Variants in NCF2 observed in about 807,000 individuals in gnomAD.
The protein encoded by NCF2 is neutrophil cytosol factor 2.
In NCF2, 45 loss-of-function variants were observed where a neutral mutation model predicts 70.9. That is an observed-to-expected ratio of 0.63 (90% CI 0.50 to 0.81). The LOEUF (loss-of-function observed/expected upper bound fraction) is 0.81, where lower values mean the gene tolerates loss of function less well. NCF2 is among the 40% of genes least tolerant of loss of function. The pLI, the probability that NCF2 is intolerant of heterozygous loss-of-function variation, is 0.00. For missense variants in NCF2, 522 were observed against 631.6 expected (o/e 0.83, Z 1.86); for synonymous variants, 203 against 233.6 (o/e 0.87, Z 1.19).
intron 7 of NCF2, 95 bp downstream of exon 7, chr1:183,569,047 C>A: frequency 8.1e-7 from 1 of 1,228,608 alleles, no homozygotes; most frequent in Non-Finnish European, 1.2e-6. Flanking sequence ...AAGATTTAGA[C>A]CCTGACCCCA....
chr1:183,557,412 C>T (rs1671839607), intron 14 of NCF2, among the ~76,000 whole-genome samples: 2 of 152,168 alleles, frequency 1.3e-5, no homozygotes, highest in Non-Finnish European at 2.9e-5. Flanking sequence ...CAGGGTAGGT[C>T]GTGGACTGGA....
upstream of NCF2, among the ~76,000 whole-genome samples, chr1:183,593,698 C>T (rs3754514): frequency 0.45 from 68,553 of 152,046 alleles, 15,895 homozygotes; most frequent in African/African-American, 0.53. Context: ...CAGTTTGTAA[C>T]TGTATGTCAT....
intron 2 of NCF2, among the ~76,000 whole-genome samples, chr1:183,582,997 A>G (rs1673183005): frequency 6.6e-6 from 1 of 152,050 alleles, no homozygotes; most frequent in Non-Finnish European, 1.5e-5. Context: ...GAGGGGGAAA[A>G]ACCTCCATCC....
At chr1:183,561,637 T>G (rs1210391624) in intron 13 of NCF2, among the ~76,000 whole-genome samples, 1 of 143,654 alleles carries the variant, frequency 7.0e-6, no homozygotes, top group Non-Finnish European at 1.5e-5. Flanking sequence ...CTTTCTTTTC[T>G]TTTCTTTTTT....
intron 4 of NCF2, among the ~76,000 whole-genome samples, chr1:183,573,603 C>A (rs1322660178): frequency 1.3e-5 from 2 of 152,050 alleles, no homozygotes; most frequent in Non-Finnish European, 2.9e-5. Context: ...AGGGCACCAC[C>A]ACGACAAGGC....
intron 2 of NCF2, 48 bp downstream of exon 2, chr1:183,586,847 G>C: frequency 6.4e-7 from 1 of 1,554,764 alleles, no homozygotes; most frequent in South Asian, 1.1e-5. Context: ...GAGACCCCTT[G>C]GGTTTCTCTC....
chr1:183,583,866 T>A (rs944781644), intron 2 of NCF2, among the ~76,000 whole-genome samples: 1 of 152,200 alleles, frequency 6.6e-6, no homozygotes. Flanking sequence ...TCACAGAGAT[T>A]GCTTTTTTTA....
chr1:183,599,423 C>CTTCTTTCTTTTCTTTCT, the NCF2 span, among the ~76,000 whole-genome samples: 19 of 107,426 alleles, frequency 1.8e-4, no homozygotes, highest in Non-Finnish European at 2.7e-4. Context: ...TCTTTCTTTC[C>CTTCTTTCTTTTCTTTCT]TTCTTTCTTT....
At position 183,560,204 on chromosome 1, in the gene NCF2, G is replaced by T. The variant is rs55761650; in HGVS notation, c.1360C>A (p.Pro454Thr). ...ACTTGGCTGCCTTTCTTAAGCTGAGGTTCTGTTGTCTGGTTATTAGCATCA... is the reference window on the plus strand; with the variant it reads ...ACTTGGCTGCCTTTCTTAAGCTGAGTTTCTGTTGTCTGGTTATTAGCATCA... ...KADANNQTTE[P>T]QLKKGSQVEA... The change falls in exon 14 of 15, where the codon CCT becomes ACT. Residue 454 changes from proline to threonine, a missense_variant. Coordinates refer to ENST00000367535, the MANE Select transcript of NCF2 (RefSeq NM_000433.4). 7.4e-6 allele frequency: 12 copies of T among 1,614,024 alleles called. No homozygotes were observed. Among genetic ancestry groups the T allele is most frequent in the South Asian group, 1.1e-5 (1 of 91,080 alleles).
chr1:183,596,374 A>G, the NCF2 span, among the ~76,000 whole-genome samples: 1 of 151,802 alleles, frequency 6.6e-6, no homozygotes, highest in Non-Finnish European at 1.5e-5. Context: ...TAGTACCTGC[A>G]TAGGTGGTCA....
intron 14 of NCF2, among the ~76,000 whole-genome samples, chr1:183,559,798 G>A (rs995918969): frequency 2.0e-5 from 3 of 152,188 alleles, no homozygotes; most frequent in Non-Finnish European, 4.4e-5. Flanking sequence ...GGGGGAGGTT[G>A]CAGTGAGCCG....
At chr1:183,595,998 C>G in the NCF2 span, among the ~76,000 whole-genome samples, 1 of 152,064 alleles carries the variant, frequency 6.6e-6, no homozygotes, top group Admixed American at 6.5e-5. Context: ...ATTATTCCTG[C>G]CATGTGCACT....
chr1:183,557,047 A>T (rs1671820013), intron 14 of NCF2, among the ~76,000 whole-genome samples: 1 of 152,252 alleles, frequency 6.6e-6, no homozygotes, highest in African/African-American at 2.4e-5. Context: ...TCCTACTCAG[A>T]GCCTTTAATA....
chr1:183,560,281 A>G lies in NCF2; in HGVS notation c.1291-8T>C, dbSNP rs761325169. ...TGGAAAGCCTTGGTCACCCTGAAAT[A>G]ATAAAGGGCCTGTTAATTTTCCCAA... On this transcript the variant is annotated splice_region_variant and splice_polypyrimidine_tract_variant and intron_variant, in intron 13 of 14. Coordinates refer to ENST00000367535, the MANE Select transcript of NCF2 (RefSeq NM_000433.4). 6.2e-7 allele frequency: 1 copy of G among 1,614,166 alleles called. No homozygotes were observed. Among genetic ancestry groups the G allele is most frequent in the Admixed American group, 1.7e-5 (1 of 60,012 alleles).
chr1:183,564,183 G>A, intron 10 of NCF2, 153 bp from the exon 11 acceptor site: 3 of 798,508 alleles, frequency 3.8e-6, no homozygotes, highest in Non-Finnish European at 2.2e-6. Flanking sequence ...AGTAAACTGT[G>A]GGGAAAATCT....
intron 10 of NCF2, among the ~76,000 whole-genome samples, chr1:183,565,121 A>G (rs1267619359): frequency 1.3e-5 from 2 of 152,214 alleles, no homozygotes; most frequent in Non-Finnish European, 2.9e-5. Context: ...CGCGTGTGGC[A>G]ATCATTGATC....
intron 2 of NCF2, among the ~76,000 whole-genome samples, chr1:183,581,869 G>A (rs34157444): frequency 3.3e-3 from 504 of 152,214 alleles, no homozygotes; most frequent in African/African-American, 0.012. Flanking sequence ...GGGTTTCACC[G>A]TGTTAGCCAG....
At chr1:183,571,110 T>G (rs548856506) in intron 5 of NCF2, among the ~76,000 whole-genome samples, 16 of 145,968 alleles carry the variant, frequency 1.1e-4, no homozygotes, top group African/African-American at 3.8e-4. Context: ...TAACATCAAA[T>G]TATCTTTTTT....
In NCF2 at chr1:183,556,196, C is replaced by T. The variant is rs544453576; in HGVS notation, c.1503G>A (p.Gly501=). 1.2e-6 allele frequency: 2 copies of T among 1,614,178 alleles called. No individual in the cohort carries two copies. Among genetic ancestry groups the T allele is most frequent in the African/African-American group, 2.7e-5 (2 of 75,046 alleles). ...AAACTTTGGGGAAAATGCCCACCTT[C>T]CCTTTGCACTCCCCTTCCAGCCATT... The part of the protein sequence containing the change: ...NEEWLEGECK[G]KVGIFPKVFV... The change falls in exon 15 of 15, where the codon GGG becomes GGA. Residue 501 remains glycine (G), a synonymous_variant. Transcript: ENST00000367535.
Sources: gnomAD v4.1 joint callset for allele counts (sites outside exome capture counted in the v4.1 genomes callset) on GRCh38, gnomAD v4.1.1 for gene constraint, MANE v1.5 for transcripts, NCBI Gene and HGNC (gene_info 2026-07-23, HGNC 2026-07-21) for gene names.